The following HAT1 variants were observed in gnomAD, a reference collection of about 807,000 sequenced individuals.
HAT1 encodes the protein histone acetyltransferase 1.
In HAT1, 20 loss-of-function variants were observed where a neutral mutation model predicts 56.6. The observed-to-expected ratio is 0.35, with a 90% CI of 0.25 to 0.51. The LOEUF is 0.51. Among genes scored for constraint, HAT1 ranks in the 20% least tolerant of loss-of-function variants. The pLI, the probability that HAT1 is intolerant of heterozygous loss-of-function variation, is 0.95. For missense variants in HAT1, 408 were observed against 504.3 expected (o/e 0.81, Z 1.83); for synonymous variants, 146 against 165.5 (o/e 0.88, Z 0.91).
intron 8 of HAT1, among the ~76,000 whole-genome samples, chr2:171,972,599 A>C (rs1053873401): frequency 1.3e-5 from 2 of 152,110 alleles, no homozygotes; most frequent in African/African-American, 4.8e-5. Flanking sequence ...GCCCTGCCCC[A>C]ACCCCCACAG....
intron 2 of HAT1, among the ~76,000 whole-genome samples, chr2:171,941,750 C>T (rs903914450): frequency 1.3e-5 from 2 of 152,156 alleles, no homozygotes; most frequent in Middle Eastern, 3.2e-3. Flanking sequence ...TCCAGCTTAC[C>T]CATTACTCAT....
chr2:171,923,224 T>C (rs2105958451), intron 1 of HAT1: 1 of 152,298 alleles, frequency 6.6e-6, no homozygotes, highest in Middle Eastern at 3.4e-3. Context: ...ATTAAGGCTG[T>C]TTTGGTGTGA....
chr2:171,953,626 TAAAAAAAAAA>T (rs587686867), intron 4 of HAT1, among the ~76,000 whole-genome samples: 22,404 of 85,112 alleles, frequency 0.26, 2,815 homozygotes, highest in South Asian at 0.35. Flanking sequence ...CCCTGTCTCT[TAAAAAAAAAA>T]AAAAAAAAAA....
At chr2:171,940,245 C>T (rs958213572) in intron 2 of HAT1, among the ~76,000 whole-genome samples, 8 of 152,192 alleles carry the variant, frequency 5.3e-5, no homozygotes, top group African/African-American at 1.2e-4. Flanking sequence ...GTACACATAA[C>T]GTATTCTCAT....
intron 10 of HAT1, among the ~76,000 whole-genome samples, chr2:171,982,181 G>A (rs1388626694): frequency 6.6e-6 from 1 of 151,982 alleles, no homozygotes; most frequent in Non-Finnish European, 1.5e-5. Flanking sequence ...ACCTTTACCT[G>A]TCCAGCCAGT....
Position 171,965,458 on chromosome 2 carries a change from C to T in HAT1, c.430C>T (p.His144Tyr). ...TTTCAAGCCATTCGGAACCTTACTT[C>T]ATACCTACTCAGTTCTCAGTCCAAC... is the stretch of plus-strand genomic sequence containing the variant. ...VDFKPFGTLL[H>Y]TYSVLSPTGG... is the part of the protein sequence containing the mutation. Residue 144 changes from histidine (H) to tyrosine (Y), a missense_variant, in exon 5 of 11, where the codon CAT (histidine) becomes TAT (tyrosine). By Grantham distance (83) the His-to-Tyr change is moderately conservative. Transcript: ENST00000264108. 1 of 1,609,864 alleles carries T rather than the reference C, an allele frequency of 6.2e-7. No homozygotes were observed. The highest frequency in any genetic ancestry group is 1.1e-5 in the South Asian group (1 of 90,800).
chr2:171,923,200 T>C (rs543245713), intron 1 of HAT1: 4 of 152,358 alleles, frequency 2.6e-5, no homozygotes, highest in Non-Finnish European at 4.4e-5. Flanking sequence ...TAATTGCTAT[T>C]ACTTTGTACG....
chr2:171,979,525 T>G, intron 10 of HAT1, 162 bp downstream of exon 10: 1 of 523,780 alleles, frequency 1.9e-6, no homozygotes, highest in South Asian at 2.2e-5. Flanking sequence ...TTCTCACTCA[T>G]GGCCGGGCGT....
chr2:171,951,672 T>TC (rs113556925), intron 3 of HAT1, among the ~76,000 whole-genome samples: 23 of 148,814 alleles, frequency 1.5e-4, no homozygotes, highest in African/African-American at 4.7e-4. Flanking sequence ...CTTCCAGTGA[T>TC]CCCCCCCCGC....
chr2:171,946,897 A>C (rs1362353975), intron 3 of HAT1, 114 bp downstream of exon 3: 1 of 596,220 alleles, frequency 1.7e-6, no homozygotes, highest in East Asian at 3.0e-5. Context: ...AATGTGGTTT[A>C]TCTTAAAATA....
intron 4 of HAT1, among the ~76,000 whole-genome samples, chr2:171,958,446 A>G (rs1417794206): frequency 2.0e-5 from 3 of 151,528 alleles, no homozygotes; most frequent in Admixed American, 2.0e-4. Flanking sequence ...TAAAAAAAAT[A>G]TTTTTTTAAT....
rs143140616 is a variant in HAT1, at chr2:171,976,172, A to G, written c.839A>G (p.Lys280Arg). 3.2e-4 allele frequency: 515 copies of G among 1,584,792 alleles called. 2 individuals are homozygous for G. The African/African-American group carries it at 6.4e-3, about 20-fold the overall frequency. The change falls in exon 9 of 11, where the codon AAA becomes AGA. Residue 280 changes from lysine (K) to arginine (R), a missense_variant. Physicochemically the swap from Lys to Arg is conservative, Grantham distance 26. Transcript: ENST00000264108. ...ATTTATTTAGCGGAAGATCCATCCAAAAGCTATGTGAAATTACGAGACTTT... is the reference window on the plus strand; with the variant it reads ...ATTTATTTAGCGGAAGATCCATCCAGAAGCTATGTGAAATTACGAGACTTT... ...VLDITAEDPS[K>R]SYVKLRDFVL...
intron 2 of HAT1, among the ~76,000 whole-genome samples, chr2:171,928,950 T>C (rs2105963883): frequency 6.6e-6 from 1 of 152,350 alleles, no homozygotes; most frequent in South Asian, 2.1e-4. Context: ...TTTGGATAAA[T>C]TCCTAGCTGT....
At chr2:171,938,290 T>C (rs1291562775) in intron 2 of HAT1, among the ~76,000 whole-genome samples, 3 of 152,094 alleles carry the variant, frequency 2.0e-5, no homozygotes, top group South Asian at 4.1e-4. Context: ...GCAGGCCCTA[T>C]GTTCTATATA....
chr2:171,929,623 C>G (rs1379967469), intron 2 of HAT1, among the ~76,000 whole-genome samples: 6 of 152,154 alleles, frequency 3.9e-5, no homozygotes, highest in African/African-American at 1.4e-4. Flanking sequence ...TGTCCATGAT[C>G]CATCTCATGT....
chr2:171,961,112 A>T (rs1353247733), intron 4 of HAT1, among the ~76,000 whole-genome samples: 3 of 152,162 alleles, frequency 2.0e-5, no homozygotes, highest in African/African-American at 7.2e-5. Flanking sequence ...ACTGTACTCC[A>T]GCTTGGGTGA....
intron 4 of HAT1, among the ~76,000 whole-genome samples, chr2:171,958,536 C>T (rs1458064362): frequency 6.6e-6 from 1 of 152,118 alleles, no homozygotes; most frequent in Non-Finnish European, 1.5e-5. Context: ...AATCTTCCCA[C>T]CTTGGCCTTC....
chr2:171,939,652 G>A (rs149484859), intron 2 of HAT1, among the ~76,000 whole-genome samples: 115 of 152,264 alleles, frequency 7.6e-4, no homozygotes, highest in Middle Eastern at 3.4e-3. Context: ...CAGGTGTGAG[G>A]TAAGGGCATA....
intron 4 of HAT1, 113 bp downstream of exon 4, chr2:171,953,114 G>C (rs1687348666): frequency 1.8e-6 from 1 of 546,912 alleles, no homozygotes; most frequent in South Asian, 3.2e-5. Flanking sequence ...GGGGACCAAG[G>C]GGGGCAGATC....
Sources: gnomAD v4.1 joint callset for allele counts (sites outside exome capture counted in the v4.1 genomes callset) on GRCh38, gnomAD v4.1.1 for gene constraint, MANE v1.5 for transcripts, NCBI Gene and HGNC (gene_info 2026-07-23, HGNC 2026-07-21) for gene names.